Variants in ZBTB20 observed in about 807,000 individuals in gnomAD.
ZBTB20 encodes zinc finger and BTB domain-containing protein 20.
Under a neutral mutation model 56.9 loss-of-function variants are expected in ZBTB20, and 9 were observed. The ratio of observed to expected loss-of-function variants is 0.16; its 90% CI spans 0.10 to 0.28. ZBTB20 has a LOEUF of 0.28. Among genes scored for constraint, ZBTB20 ranks in the 10% least tolerant of loss-of-function variants. The pLI is 1.00. For missense variants in ZBTB20, 655 were observed against 1,003.0 expected (o/e 0.65, Z 4.69); for synonymous variants, 417 against 420.7 (o/e 0.99, Z 0.11).
chr3:114,999,774 T>C (rs1251033985), intron 2 of ZBTB20, among the ~76,000 whole-genome samples: 11 of 151,734 alleles, frequency 7.2e-5, no homozygotes, highest in East Asian at 3.9e-4. Flanking sequence ...TCAGCTATCA[T>C]TGTTTTTTAA....
At chr3:114,697,934 T>C (rs569822184) in intron 5 of ZBTB20, among the ~76,000 whole-genome samples, 1 of 152,234 alleles carries the variant, frequency 6.6e-6, no homozygotes, top group African/African-American at 2.4e-5. Context: ...GTGACCCCAA[T>C]ATTCCAATCC....
chr3:114,386,621 T>C (rs973359250), intron 8 of ZBTB20, among the ~76,000 whole-genome samples: 2 of 152,088 alleles, frequency 1.3e-5, no homozygotes, highest in Admixed American at 1.3e-4. Context: ...ACCTCTCTCT[T>C]CCCCCACTTT....
intron 4 of ZBTB20, among the ~76,000 whole-genome samples, chr3:114,869,307 A>C (rs893204643): frequency 7.9e-5 from 12 of 152,164 alleles, no homozygotes; most frequent in African/African-American, 2.9e-4. Context: ...GATTTGTGGT[A>C]GTTTTTCATT....
At chr3:114,627,650 T>C (rs560858492) in intron 6 of ZBTB20, among the ~76,000 whole-genome samples, 2 of 152,330 alleles carry the variant, frequency 1.3e-5, no homozygotes, top group African/African-American at 4.8e-5. Context: ...AAATAAAACC[T>C]GTACATATAA....
Position 114,326,842 on chromosome 3 carries a change from A to G in ZBTB20, c.*12163T>C, listed in dbSNP as rs2108022578. 1 of 152,302 alleles carries G rather than the reference A, an allele frequency of 6.6e-6. No homozygotes were observed. The highest frequency in any genetic ancestry group is 1.5e-5 in the Non-Finnish European group (1 of 68,008). 9.4% of individuals were successfully genotyped at this position (152,302 alleles called of 1,614,324 possible). A position where few individuals can be genotyped will look rare whatever the true frequency, so the allele number is the denominator to read the frequency against. ...TCCTGAAGTCCAGTGCAGAAAATAAACTTGTTTGCTACCAGCCTCAATCTC... is the reference window on the plus strand; with the variant it reads ...TCCTGAAGTCCAGTGCAGAAAATAAGCTTGTTTGCTACCAGCCTCAATCTC... On this transcript the variant is annotated 3_prime_UTR_variant, in exon 12 of 12. Coordinates refer to ENST00000675478, the MANE Select transcript of ZBTB20 (RefSeq NM_001348800.3).
chr3:114,665,951 G>C (rs757423807), intron 6 of ZBTB20, among the ~76,000 whole-genome samples: 2 of 151,992 alleles, frequency 1.3e-5, no homozygotes, highest in Non-Finnish European at 2.9e-5. Context: ...ATTGGGCGGA[G>C]TTTTATTGCG....
At chr3:114,526,378 T>G (rs1455977932) in intron 6 of ZBTB20, among the ~76,000 whole-genome samples, 1 of 152,198 alleles carries the variant, frequency 6.6e-6, no homozygotes, top group Non-Finnish European at 1.5e-5. Context: ...ATAAGTATCA[T>G]TCACCCATCT....
At chr3:114,921,581 A>G (rs1057171096) in intron 3 of ZBTB20, among the ~76,000 whole-genome samples, 35 of 151,958 alleles carry the variant, frequency 2.3e-4, no homozygotes, top group African/African-American at 8.5e-4. Flanking sequence ...AGAGTGCTTT[A>G]TGGATATACA....
At chr3:114,945,160 C>G (rs953181658) in intron 3 of ZBTB20, among the ~76,000 whole-genome samples, 1 of 144,308 alleles carries the variant, frequency 6.9e-6, no homozygotes, top group Non-Finnish European at 1.5e-5. Flanking sequence ...AAAGTAAATA[C>G]CAACGTAGAA....
intron 7 of ZBTB20, among the ~76,000 whole-genome samples, chr3:114,488,206 G>A (rs2042350919): frequency 6.6e-6 from 1 of 152,198 alleles, no homozygotes; most frequent in Admixed American, 6.5e-5. Context: ...GAGGGTAGGT[G>A]TTGCCATCAG....
Position 114,322,602 on chromosome 3 carries a change from C to T in ZBTB20, c.*16403G>A, listed in dbSNP as rs1442051278. The T allele has an allele frequency of 6.6e-6, 1 of 152,208 alleles. No individual in the cohort carries two copies. Among genetic ancestry groups the T allele is most frequent in the African/African-American group, 2.4e-5 (1 of 41,446 alleles). 9.4% of individuals were successfully genotyped at this position (152,208 alleles called of 1,614,324 possible). ...TGTGAATATATTTTAAAAAGTCAAT[C>T]ATTTCTTTCTATAGCTTTGGTTTGG... On this transcript the variant is annotated 3_prime_UTR_variant, in exon 12 of 12. Transcript: ENST00000675478.
intron 5 of ZBTB20, among the ~76,000 whole-genome samples, chr3:114,699,896 T>C (rs1397160196): frequency 1.3e-5 from 2 of 152,118 alleles, no homozygotes; most frequent in Non-Finnish European, 2.9e-5. Flanking sequence ...CTGGGACTAG[T>C]ATCTAAAGCT....
chr3:114,621,322 T>G (rs796664608), intron 6 of ZBTB20, among the ~76,000 whole-genome samples: 3 of 152,200 alleles, frequency 2.0e-5, no homozygotes, highest in Non-Finnish European at 4.4e-5. Flanking sequence ...ACATTTCATT[T>G]ATGGTCATTA....
intron 6 of ZBTB20, among the ~76,000 whole-genome samples, chr3:114,601,775 G>A (rs1405712324): frequency 6.7e-6 from 1 of 149,198 alleles, no homozygotes. Flanking sequence ...AGAATAAACT[G>A]CATGAACAAA....
chr3:114,525,462 T>C (rs2047113514), intron 6 of ZBTB20, among the ~76,000 whole-genome samples: 1 of 152,100 alleles, frequency 6.6e-6, no homozygotes, highest in African/African-American at 2.4e-5. Flanking sequence ...TCATCATATT[T>C]CTCCCTTGTT....
At chr3:114,687,178 T>C (rs1157292059) in intron 6 of ZBTB20, 3 of 151,558 alleles carry the variant, frequency 2.0e-5, no homozygotes, top group Admixed American at 1.3e-4. Flanking sequence ...AGCAAATGAA[T>C]GCATTTAAAG....
intron 4 of ZBTB20, among the ~76,000 whole-genome samples, chr3:114,896,767 T>C (rs936011072): frequency 6.6e-6 from 1 of 152,066 alleles, no homozygotes; most frequent in Non-Finnish European, 1.5e-5. Flanking sequence ...GTAAACTTCA[T>C]GTTGTGTGTA....
chr3:114,344,055 A>T (rs2079997528), intron 11 of ZBTB20, among the ~76,000 whole-genome samples: 1 of 151,324 alleles, frequency 6.6e-6, no homozygotes, highest in Admixed American at 6.6e-5. Flanking sequence ...TCTCAAAAAA[A>T]AAATGGGGGG....
At position 114,831,911 on chromosome 3, in the gene ZBTB20, C is replaced by G. The variant is rs139476209; in HGVS notation, c.-416-30737G>C. On this transcript the variant is annotated intron_variant, in intron 4 of 11. Coordinates refer to ENST00000675478, the MANE Select transcript of ZBTB20 (RefSeq NM_001348800.3). ...TCTAGGATTCTAGGATCCTATTCCA[C>G]CTGGACCCTGCTTAAATTTCATTAC... Among the ~76,000 whole-genome samples, 5 of 152,138 alleles carry G rather than the reference C, an allele frequency of 3.3e-5. No individual in the cohort carries two copies. The East Asian group carries it at 9.7e-4, about 29-fold the overall frequency.
Sources: gnomAD v4.1 joint callset for allele counts (sites outside exome capture counted in the v4.1 genomes callset) on GRCh38, gnomAD v4.1.1 for gene constraint, MANE v1.5 for transcripts, NCBI Gene and HGNC (gene_info 2026-07-23, HGNC 2026-07-21) for gene names.